The following PPA2 variants were observed in gnomAD, a reference collection of about 807,000 sequenced individuals.
PPA2 encodes inorganic pyrophosphatase 2.
In PPA2, 48 loss-of-function variants were observed where a neutral mutation model predicts 49.5. The observed-to-expected ratio is 0.97, with a 90% confidence interval of 0.77 to 1.23. The LOEUF (loss-of-function observed/expected upper bound fraction) is 1.23, where lower values mean the gene tolerates loss of function less well. PPA2 is among the 50% of genes most tolerant of loss of function. PPA2 has a pLI of 0.00. For synonymous variants in PPA2, 131 were observed against 139.9 expected (o/e 0.94, Z 0.45); for missense variants, 429 against 410.1 (o/e 1.05, Z -0.40).
At chr4:105,398,118 T>C (rs1163529401) in intron 8 of PPA2, among the ~76,000 whole-genome samples, 1 of 152,140 alleles carries the variant, frequency 6.6e-6, no homozygotes, top group Non-Finnish European at 1.5e-5. Context: ...TACAAATTCG[T>C]GACTTGGCAG....
rs894123266 is a variant in PPA2, at chr4:105,422,249, C to T, written c.655+1947G>A. ...ATGATGAAAATAATACATGTATTCACTTTTAATACAATGATAAATGTATTG... is the reference window on the plus strand; with the variant it reads ...ATGATGAAAATAATACATGTATTCATTTTTAATACAATGATAAATGTATTG... On this transcript the variant is annotated intron_variant, in intron 7 of 11. Coordinates refer to ENST00000341695, the MANE Select transcript of PPA2 (RefSeq NM_176869.3). Among the ~76,000 whole-genome samples the T allele has an allele frequency of 3.9e-5, 6 of 152,210 alleles. 1 individual carries two copies. The highest frequency in any genetic ancestry group is 3.9e-4 in the Admixed American group (6 of 15,282).
intron 9 of PPA2, among the ~76,000 whole-genome samples, chr4:105,389,221 A>T (rs918739909): frequency 1.3e-5 from 2 of 152,174 alleles, no homozygotes; most frequent in African/African-American, 4.8e-5. Flanking sequence ...ATAGTTGTTT[A>T]ACATTGATTC....
intron 9 of PPA2, among the ~76,000 whole-genome samples, chr4:105,389,008 A>T (rs1447065688): frequency 1.6e-4 from 25 of 152,136 alleles, no homozygotes; most frequent in African/African-American, 5.3e-4. Context: ...CAACATCCTC[A>T]ATGATGTCCT....
chr4:105,440,390 T>A (rs1446319844), intron 5 of PPA2, among the ~76,000 whole-genome samples: 2 of 151,858 alleles, frequency 1.3e-5, no homozygotes, highest in Non-Finnish European at 2.9e-5. Context: ...GCCTCCCAAG[T>A]GGCTGGAACT....
chr4:105,449,446 A>G (rs748727905), intron 3 of PPA2, 43 bp from the exon 4 acceptor site: 16 of 1,350,696 alleles, frequency 1.2e-5, no homozygotes, highest in Non-Finnish European at 1.7e-5. Flanking sequence ...TAAAAATTTT[A>G]CCTTTTATTT....
intron 1 of PPA2, among the ~76,000 whole-genome samples, chr4:105,465,283 G>A (rs1041737570): frequency 2.6e-5 from 4 of 152,052 alleles, no homozygotes; most frequent in African/African-American, 4.8e-5. Flanking sequence ...ATTTTTCTTC[G>A]TGTTTCTAAT....
Position 105,399,040 on chromosome 4 carries a change from GT to G in PPA2, c.779del (p.Asn260ThrfsTer21), listed in dbSNP as rs746784333. ...AAATAAAGATTCTCATCTTCACCTTGTTTTTGAATTCTCCATTAAAAGCAAA... is the reference window on the plus strand; with the variant it reads ...AAATAAAGATTCTCATCTTCACCTTGTTTTGAATTCTCCATTAAAAGCAAA... The part of the protein sequence containing the change: ...NQFAFNGEFK[N>X]KAFALEVIKS... On this transcript the variant is annotated frameshift_variant, in exon 8 of 12. Transcript: ENST00000341695. LOFTEE classifies it high-confidence loss of function. The G allele has an allele frequency of 2.5e-6, 4 of 1,607,960 alleles. No individual in the cohort carries two copies. The South Asian group carries it at 4.5e-5, about 18-fold the overall frequency.
At chr4:105,458,547 G>A (rs544244062) in intron 1 of PPA2, among the ~76,000 whole-genome samples, 3 of 152,030 alleles carry the variant, frequency 2.0e-5, no homozygotes, top group African/African-American at 4.8e-5. Flanking sequence ...AGGCATGGCC[G>A]GGCACGATGG....
At chr4:105,405,130 T>C (rs1165450388) in intron 7 of PPA2, 4 of 560,262 alleles carry the variant, frequency 7.1e-6, no homozygotes, top group Non-Finnish European at 9.0e-6. Context: ...CATGAGTTAA[T>C]TTTTTTAGAA....
chr4:105,448,577 A>T (rs186873352), intron 4 of PPA2, among the ~76,000 whole-genome samples: 8,308 of 146,510 alleles, frequency 0.057, 358 homozygotes, highest in African/African-American at 0.12. Flanking sequence ...GAAAAATTTA[A>T]AAAAAAAAAA....
At chr4:105,432,102 T>A (rs1018437610) in intron 6 of PPA2, among the ~76,000 whole-genome samples, 1 of 152,204 alleles carries the variant, frequency 6.6e-6, no homozygotes, top group African/African-American at 2.4e-5. Flanking sequence ...TACCTCAATT[T>A]AAAAAATTAA....
At chr4:105,460,983 A>C (rs1281239890) in intron 1 of PPA2, among the ~76,000 whole-genome samples, 1 of 152,100 alleles carries the variant, frequency 6.6e-6, no homozygotes, top group Non-Finnish European at 1.5e-5. Flanking sequence ...AGTATTAATA[A>C]ATAAAAATGT....
chr4:105,402,313 C>A lies in PPA2; in HGVS notation c.656-3149G>T, dbSNP rs541792123. ...CAGTTAAACATTAGGAGGAAAAAAA[C>A]CATAAAAATCTACAGTTATGCATAT... On this transcript the variant is annotated intron_variant, in intron 7 of 11. Coordinates refer to ENST00000341695, the MANE Select transcript of PPA2 (RefSeq NM_176869.3). 5.9e-5 allele frequency among the ~76,000 whole-genome samples: 9 copies of A among 151,920 alleles called. No homozygotes were observed. The East Asian group carries it at 7.7e-4, about 13-fold the overall frequency.
rs554259885 is a variant in PPA2, at chr4:105,460,702, A to T, written c.158-3957T>A. ...GTTACACAAACAAGGGAAGTTTGTT[A>T]TCATGGGGGTAAAAGAAACTTGACA... is the stretch of plus-strand genomic sequence containing the variant. On this transcript the variant is annotated intron_variant, in intron 1 of 11. Coordinates refer to ENST00000341695, the MANE Select transcript of PPA2 (RefSeq NM_176869.3). 1.8e-4 allele frequency among the ~76,000 whole-genome samples: 28 copies of T among 152,294 alleles called. 1 individual carries two copies. In the South Asian group the frequency reaches 5.8e-3, roughly 32 times the overall value.
chr4:105,434,047 T>C (rs1183385783), intron 6 of PPA2, among the ~76,000 whole-genome samples: 1 of 152,164 alleles, frequency 6.6e-6, no homozygotes, highest in South Asian at 2.1e-4. Context: ...AGGCTGGTCT[T>C]GAACTCTTGG....
At chr4:105,409,677 G>C (rs1722660508) in intron 7 of PPA2, among the ~76,000 whole-genome samples, 1 of 152,210 alleles carries the variant, frequency 6.6e-6, no homozygotes, top group African/African-American at 2.4e-5. Flanking sequence ...GTGCCCCTCT[G>C]GGACAAAGCT....
intron 10 of PPA2, among the ~76,000 whole-genome samples, chr4:105,377,220 C>G (rs1009485727): frequency 2.6e-5 from 4 of 152,152 alleles, no homozygotes; most frequent in Non-Finnish European, 5.9e-5. Flanking sequence ...ATATCCTCAT[C>G]ATTAGAAGTA....
At chr4:105,473,746 A>C in intron 1 of PPA2, 148 bp downstream of exon 1, 3 of 1,168,148 alleles carry the variant, frequency 2.6e-6, no homozygotes, top group Non-Finnish European at 3.8e-6. Flanking sequence ...TCCCGCGGGA[A>C]GTAAGGTGGC....
intron 7 of PPA2, among the ~76,000 whole-genome samples, chr4:105,414,204 A>G (rs949743451): frequency 5.3e-5 from 8 of 152,224 alleles, no homozygotes; most frequent in Non-Finnish European, 8.8e-5. Context: ...GGAAGCATTT[A>G]CTCTCATACA....
Sources: gnomAD v4.1 joint callset for allele counts (sites outside exome capture counted in the v4.1 genomes callset) on GRCh38, gnomAD v4.1.1 for gene constraint, MANE v1.5 for transcripts, NCBI Gene and HGNC (gene_info 2026-07-23, HGNC 2026-07-21) for gene names.